FMN1: variants seen among roughly 807,000 people sequenced by gnomAD.
FMN1 encodes the protein formin 1.
Under a neutral mutation model 132.4 loss-of-function variants are expected in FMN1, and 110 were observed. The observed-to-expected ratio is 0.83, with a 90% CI of 0.71 to 0.97. FMN1 has a LOEUF of 0.97. FMN1 is among the 50% of genes least tolerant of loss of function. The probability of loss-of-function intolerance (pLI) is 0.00; values close to 1 mark genes in which losing one functional copy is unlikely to be tolerated. For synonymous variants in FMN1, 722 were observed against 651.7 expected (o/e 1.11, Z -1.64); for missense variants, 1,792 against 1,705.3 (o/e 1.05, Z -0.90).
chr15:33,051,591 A>G (rs2036975069), intron 6 of FMN1, among the ~76,000 whole-genome samples: 1 of 152,202 alleles, frequency 6.6e-6, no homozygotes, highest in Non-Finnish European at 1.5e-5. Context: ...TCCTAGTAAG[A>G]TCTCAGGAGT....
At chr15:32,793,442 G>T (rs2057163018) in intron 19 of FMN1, among the ~76,000 whole-genome samples, 1 of 152,050 alleles carries the variant, frequency 6.6e-6, no homozygotes. Context: ...ACCACACCCA[G>T]CCAAGTTTTG....
intron 11 of FMN1, 76 bp downstream of exon 11, chr15:32,910,398 A>T (rs2060529328): frequency 8.2e-7 from 1 of 1,223,238 alleles, no homozygotes; most frequent in Non-Finnish European, 1.2e-6. Context: ...ACTACCAAAG[A>T]ACATGAACAG....
At chr15:32,955,120 A>T (rs1265146743) in intron 9 of FMN1, among the ~76,000 whole-genome samples, 2 of 152,200 alleles carry the variant, frequency 1.3e-5, no homozygotes, top group Non-Finnish European at 2.9e-5. Flanking sequence ...CAATAATAGG[A>T]ACCGTCTCAC....
Position 33,114,331 on chromosome 15 carries a change from G to A in FMN1, c.1868-25357C>T, listed in dbSNP as rs926990868. ...ATCCTAAAAGCCTAACTTCTGGACA[G>A]TGACATAAGAAGAAATAATTGGCCT... On this transcript the variant is annotated intron_variant, in intron 4 of 20. Coordinates refer to ENST00000616417, the MANE Select transcript of FMN1 (RefSeq NM_001277313.2). Among the ~76,000 whole-genome samples the A allele has an allele frequency of 2.0e-5, 3 of 152,340 alleles. No individual in the cohort carries two copies. In the South Asian group the frequency reaches 6.2e-4, roughly 32 times the overall value.
intron 9 of FMN1, among the ~76,000 whole-genome samples, chr15:32,949,296 T>C (rs1370373514): frequency 1.3e-5 from 2 of 152,052 alleles, no homozygotes; most frequent in Admixed American, 1.3e-4. Flanking sequence ...CAAACTATAC[T>C]ACAAGGCTAC....
chr15:32,984,638 C>A (rs1043624636), intron 7 of FMN1, among the ~76,000 whole-genome samples: 1 of 152,150 alleles, frequency 6.6e-6, no homozygotes, highest in African/African-American at 2.4e-5. Flanking sequence ...CATTATCAAT[C>A]AGAAGCTATG....
At chr15:32,941,443 G>T (rs933874245) in intron 9 of FMN1, among the ~76,000 whole-genome samples, 4 of 152,120 alleles carry the variant, frequency 2.6e-5, no homozygotes, top group Non-Finnish European at 4.4e-5. Context: ...ACAAGAATGT[G>T]CACACTTCAT....
At chr15:33,034,001 G>A (rs931238663) in intron 6 of FMN1, among the ~76,000 whole-genome samples, 20 of 151,908 alleles carry the variant, frequency 1.3e-4, no homozygotes, top group African/African-American at 4.8e-4. Flanking sequence ...TCTGTTGCAG[G>A]TCCCCTGGGT....
intron 6 of FMN1, among the ~76,000 whole-genome samples, chr15:33,009,231 T>C (rs944386092): frequency 1.3e-5 from 2 of 152,138 alleles, no homozygotes; most frequent in Non-Finnish European, 2.9e-5. Flanking sequence ...ACCACGATAA[T>C]CCAAGTTACC....
chr15:33,016,912 A>G (rs1430526827), intron 6 of FMN1, among the ~76,000 whole-genome samples: 1 of 152,176 alleles, frequency 6.6e-6, no homozygotes, highest in Admixed American at 6.5e-5. Context: ...AGTTTTCTAC[A>G]CTTTCTCTTG....
At chr15:33,143,598 C>T (rs1007981478) in intron 4 of FMN1, among the ~76,000 whole-genome samples, 9 of 152,118 alleles carry the variant, frequency 5.9e-5, no homozygotes, top group African/African-American at 2.2e-4. Flanking sequence ...GAAGATGGGA[C>T]ACCAAGAACA....
intron 10 of FMN1, among the ~76,000 whole-genome samples, chr15:32,924,670 A>T (rs1462362989): frequency 6.6e-6 from 1 of 152,262 alleles, no homozygotes; most frequent in Non-Finnish European, 1.5e-5. Context: ...CTGTAATCCC[A>T]GCACTTTGGG....
intron 4 of FMN1, among the ~76,000 whole-genome samples, chr15:33,104,934 G>C (rs564122162): frequency 6.6e-6 from 1 of 152,202 alleles, no homozygotes; most frequent in East Asian, 1.9e-4. Context: ...AATTGGTGGT[G>C]ATTTCTGTGA....
intron 19 of FMN1, among the ~76,000 whole-genome samples, chr15:32,798,379 G>A (rs977994080): frequency 3.0e-4 from 46 of 151,302 alleles, no homozygotes; most frequent in African/African-American, 1.1e-3. Flanking sequence ...TGTGTGAAGT[G>A]TGGCCTGAGT....
At position 33,074,836 on chromosome 15, in the gene FMN1, T is replaced by C. The variant is rs372651469; in HGVS notation, c.2044-9762A>G. On this transcript the variant is annotated intron_variant, in intron 5 of 20. Transcript: ENST00000616417. ...TTCAAGACCAGCCTGGTCAAGATGG[T>C]GGAACTCCGTCTCTACTAAAAATTC... is the stretch of plus-strand genomic sequence containing the variant. Among the ~76,000 whole-genome samples, 630 of 151,734 alleles carry C rather than the reference T, an allele frequency of 4.2e-3. 26 individuals carry two copies. In the South Asian group the frequency reaches 0.087, roughly 21 times the overall value.
At position 32,860,376 on chromosome 15, in the gene FMN1, G is replaced by A. The variant is rs569029414; in HGVS notation, c.3836-3269C>T. On this transcript the variant is annotated intron_variant, in intron 16 of 20. Coordinates refer to ENST00000616417, the MANE Select transcript of FMN1 (RefSeq NM_001277313.2). ...TAAATAAAATTAGCAATGTTGGCTT[G>A]GCACAGTGGCTCGTGCCTCTAATAC... 2.6e-5 allele frequency among the ~76,000 whole-genome samples: 4 copies of A among 152,294 alleles called. No individual in the cohort carries two copies. In the South Asian group the frequency reaches 8.3e-4, roughly 32 times the overall value.
chr15:33,134,044 C>T (rs1447593937), intron 4 of FMN1, among the ~76,000 whole-genome samples: 1 of 152,126 alleles, frequency 6.6e-6, no homozygotes, highest in Non-Finnish European at 1.5e-5. Context: ...GCCTTGAACT[C>T]CCTCAGGTGA....
chr15:32,899,746 G>A (rs909967508), intron 14 of FMN1: 12 of 560,416 alleles, frequency 2.1e-5, no homozygotes, highest in East Asian at 6.1e-5. Context: ...CAGAGCACAC[G>A]AAGATGGGAA....
chr15:32,891,413 A>G (rs1030054151), intron 15 of FMN1, among the ~76,000 whole-genome samples: 2 of 152,136 alleles, frequency 1.3e-5, no homozygotes, highest in Admixed American at 6.5e-5. Context: ...ACGCCCAGCT[A>G]ATTTATTTTT....
Sources: gnomAD v4.1 joint callset for allele counts (sites outside exome capture counted in the v4.1 genomes callset) on GRCh38, gnomAD v4.1.1 for gene constraint, MANE v1.5 for transcripts, NCBI Gene and HGNC (gene_info 2026-07-23, HGNC 2026-07-21) for gene names.